SOX13: variants seen among roughly 807,000 people sequenced by gnomAD.
SOX13 encodes the protein SRY-box transcription factor 13.
SOX13 carries 28 observed loss-of-function variants against 71.8 expected under a neutral mutation model. The observed-to-expected ratio is 0.39, with a 90% CI of 0.29 to 0.53. The LOEUF is 0.53. SOX13 is among the 20% of genes least tolerant of loss of function. SOX13 has a pLI of 0.70. For missense variants in SOX13, 627 were observed against 810.3 expected (o/e 0.77, Z 2.75); for synonymous variants, 309 against 317.8 (o/e 0.97, Z 0.29).
intron 4 of SOX13, among the ~76,000 whole-genome samples, chr1:204,115,178 A>T (rs1294214464): frequency 6.6e-6 from 1 of 151,654 alleles, no homozygotes; most frequent in Non-Finnish European, 1.5e-5. Context: ...GCTAATTTTT[A>T]TATTTTTTTT....
At chr1:204,124,217 C>T (rs1465438989) in intron 12 of SOX13, among the ~76,000 whole-genome samples, 5 of 152,078 alleles carry the variant, frequency 3.3e-5, no homozygotes, top group Admixed American at 6.6e-5. Flanking sequence ...AGATGGAGCT[C>T]GAGGGGCCAG....
rs61199162 is a variant in SOX13, at chr1:204,073,975, TTGTGTG to T, written c.-2+284_-2+289del. On this transcript the variant is annotated intron_variant, in intron 1 of 13. Coordinates refer to ENST00000367204, the MANE Select transcript of SOX13 (RefSeq NM_005686.3). The surrounding 1 kb of genome is among the most constrained non-coding windows in gnomAD (Gnocchi z 6.8). ...AGGCAGTGCGTGGCTGTGTGTGTGT[TTGTGTG>T]TGTGTGTGTGTGTGTGTGTACGCGC... The T allele has an allele frequency of 0.02, 3,030 of 150,052 alleles. 107 individuals are homozygous for T. The highest frequency in any genetic ancestry group is 0.066 in the African/African-American group (2,699 of 41,002). 9.3% of individuals were successfully genotyped at this position (150,052 alleles called of 1,614,324 possible). A position where few individuals can be genotyped will look rare whatever the true frequency, so the allele number is the denominator to read the frequency against.
At chr1:204,099,049 A>C (rs138347119) in intron 1 of SOX13, among the ~76,000 whole-genome samples, 3 of 152,360 alleles carry the variant, frequency 2.0e-5, no homozygotes, top group Non-Finnish European at 4.4e-5. Flanking sequence ...TTGTGGGAGC[A>C]GCACTGGCCC....
At chr1:204,124,913 A>ATG in intron 13 of SOX13, 56 bp downstream of exon 13, 1 of 1,327,082 alleles carries the variant, frequency 7.5e-7, no homozygotes, top group Non-Finnish European at 1.1e-6. Context: ...TGTAGCTCTC[A>ATG]TGAGTGGCTG....
intron 4 of SOX13, chr1:204,116,239 G>A (rs1656690872): frequency 7.0e-7 from 1 of 1,426,490 alleles, no homozygotes; most frequent in Non-Finnish European, 9.3e-7. Flanking sequence ...GGGCTCTGGG[G>A]CTGACATGTC....
intron 7 of SOX13, among the ~76,000 whole-genome samples, chr1:204,120,982 CTT>C (rs11454769): frequency 1.1e-4 from 16 of 140,454 alleles, no homozygotes; most frequent in Admixed American, 2.9e-4. Context: ...ATTTTAAATT[CTT>C]TTTTTTTTTT....
chr1:204,099,424 C>CTTTTT (rs200311750), intron 1 of SOX13, among the ~76,000 whole-genome samples: 27 of 93,484 alleles, frequency 2.9e-4, no homozygotes, highest in Non-Finnish European at 3.8e-4. Context: ...CTTTTTCTGG[C>CTTTTT]TTTTTTTTTT....
At chr1:204,085,873 G>A (rs961346996) in intron 1 of SOX13, among the ~76,000 whole-genome samples, 6 of 151,714 alleles carry the variant, frequency 4.0e-5, no homozygotes, top group African/African-American at 7.3e-5. Flanking sequence ...CCAGCTACTC[G>A]GGAGGCTGAG....
intron 1 of SOX13, among the ~76,000 whole-genome samples, chr1:204,095,422 G>A (rs1457869833): frequency 2.6e-5 from 4 of 152,126 alleles, no homozygotes; most frequent in South Asian, 2.1e-4. Flanking sequence ...CTAGTTGGTC[G>A]GGCAGGTCTG....
chr1:204,115,654 C>CTT, intron 4 of SOX13, among the ~76,000 whole-genome samples: 1 of 104,832 alleles, frequency 9.5e-6, no homozygotes, highest in East Asian at 3.3e-4. Context: ...AGCGCTTCTT[C>CTT]TTCTTTTTTT....
At chr1:204,121,312 G>T (rs1656799901) in intron 7 of SOX13, among the ~76,000 whole-genome samples, 1 of 152,068 alleles carries the variant, frequency 6.6e-6, no homozygotes, top group Non-Finnish European at 1.5e-5. Flanking sequence ...AGAGATGGGG[G>T]TCTTGCTATG....
rs770201579 is a variant in SOX13 at position 204,126,105 on chromosome 1, G to T, written c.1840G>T (p.Asp614Tyr). The T allele has an allele frequency of 6.8e-6, 11 of 1,613,834 alleles. No homozygotes were observed. The highest frequency in any genetic ancestry group is 1.6e-4 in the Middle Eastern group (1 of 6,084). Residue 614 changes from aspartate to tyrosine, a missense_variant, in exon 14 of 14, where the codon GAT (aspartate) becomes TAT (tyrosine). Asp to Tyr is a radical substitution (Grantham distance 160, BLOSUM62 -3). Transcript: ENST00000367204. The part of the protein sequence containing the change: ...DEDSEGEEKS[D>Y]GELVVLTD Reference sequence around the variant, plus strand: ...GGACTCGGAGGGCGAAGAGAAGAGCGATGGGGAGTTGGTGGTGCTCACAGA... The same window carrying T: ...GGACTCGGAGGGCGAAGAGAAGAGCTATGGGGAGTTGGTGGTGCTCACAGA...
chr1:204,081,604 A>G lies in SOX13; in HGVS notation c.-2+7893A>G, dbSNP rs1655908592. On this transcript the variant is annotated intron_variant, in intron 1 of 13. Coordinates refer to ENST00000367204, the MANE Select transcript of SOX13 (RefSeq NM_005686.3). This position sits in a 1 kb window ranked among gnomAD's most constrained non-coding sequence, Gnocchi z 4.3. Reference sequence around the variant, plus strand: ...CCCTGGCGCCTAGGAAAGGCTAGACAGGGAGGGGAGCCTTGGCGTGAGCTG... The same window carrying G: ...CCCTGGCGCCTAGGAAAGGCTAGACGGGGAGGGGAGCCTTGGCGTGAGCTG... Among the ~76,000 whole-genome samples the G allele has an allele frequency of 6.6e-6, 1 of 152,154 alleles. No individual in the cohort carries two copies. Among genetic ancestry groups the G allele is most frequent in the African/African-American group, 2.4e-5 (1 of 41,450 alleles).
chr1:204,090,195 G>T (rs1384851003), intron 1 of SOX13, among the ~76,000 whole-genome samples: 1 of 152,156 alleles, frequency 6.6e-6, no homozygotes, highest in Non-Finnish European at 1.5e-5. Context: ...TGGGACTCTG[G>T]GTAGAGCCAG....
intron 1 of SOX13, among the ~76,000 whole-genome samples, chr1:204,096,238 C>CTTTTTTTT (rs1491344524): frequency 5.1e-4 from 31 of 61,240 alleles, no homozygotes; most frequent in African/African-American, 1.9e-3. Context: ...TTCTTTCTTT[C>CTTTTTTTT]GTTTTTTTTT....
intron 1 of SOX13, among the ~76,000 whole-genome samples, chr1:204,101,059 A>G (rs1656351695): frequency 6.6e-6 from 1 of 152,228 alleles, no homozygotes; most frequent in Non-Finnish European, 1.5e-5. Context: ...AGACAATCCC[A>G]GGGAGGAGAG....
At chr1:204,086,561 A>G (rs1269245044) in intron 1 of SOX13, among the ~76,000 whole-genome samples, 1 of 152,150 alleles carries the variant, frequency 6.6e-6, no homozygotes, top group Non-Finnish European at 1.5e-5. Context: ...TCGGCCTTCC[A>G]AAGTGCTGGG....
intron 1 of SOX13, among the ~76,000 whole-genome samples, chr1:204,106,517 AT>A (rs34769472): frequency 0.39 from 54,429 of 139,962 alleles, 11,076 homozygotes; most frequent in South Asian, 0.51. Flanking sequence ...TCCAAAATAA[AT>A]TTTTTTTTTT....
In SOX13 at chr1:204,096,330, C is replaced by T. The variant is rs538580970; in HGVS notation, c.-1-16585C>T. On this transcript the variant is annotated intron_variant, in intron 1 of 13. Transcript: ENST00000367204. ...TCACAGCTCACTGCGGCATCAACCT[C>T]CTGGGCTCAAGCGATCCTCCCACCT... Among the ~76,000 whole-genome samples the T allele has an allele frequency of 6.8e-5, 10 of 146,508 alleles. No individual in the cohort carries two copies. In the South Asian group the frequency reaches 2.1e-3, roughly 30 times the overall value.
Sources: allele counts gnomAD v4.1 joint callset (sites outside exome capture counted in the v4.1 genomes callset), GRCh38; gene constraint gnomAD v4.1.1; non-coding constraint Gnocchi (gnomAD v3.1); transcripts MANE v1.5; gene names NCBI Gene and HGNC (gene_info 2026-07-23, HGNC 2026-07-21).